The following SWAP70 variants were observed in gnomAD, a reference collection of about 807,000 sequenced individuals.
SWAP70 encodes the protein switch-associated protein 70.
In SWAP70, 34 loss-of-function variants were observed where a neutral mutation model predicts 80.2. The ratio of observed to expected loss-of-function variants is 0.42; its 90% CI spans 0.32 to 0.56. The LOEUF (loss-of-function observed/expected upper bound fraction) is 0.56. SWAP70 is among the 20% of genes least tolerant of loss of function. SWAP70 has a pLI of 0.09. For synonymous variants in SWAP70, 239 were observed against 238.5 expected, an observed-to-expected ratio of 1.00 and a Z score of -0.02; for missense variants, 578 against 690.7, an observed-to-expected ratio of 0.84 and a Z score of 1.83.
chr11:9,749,625 G>T (rs931975088), intron 11 of SWAP70, among the ~76,000 whole-genome samples: 1 of 152,154 alleles, frequency 6.6e-6, no homozygotes, highest in Non-Finnish European at 1.5e-5. Flanking sequence ...TAGCCCAAAT[G>T]TAAAAAAACC....
chr11:9,709,990 A>C lies in SWAP70; in HGVS notation c.241-3476A>C, dbSNP rs1008615083. Among the ~76,000 whole-genome samples, 4 of 152,342 alleles carry C rather than the reference A, an allele frequency of 2.6e-5. No individual in the cohort carries two copies. In the South Asian group the frequency reaches 8.3e-4, roughly 32 times the overall value. On this transcript the variant is annotated intron_variant, in intron 2 of 11. Transcript: ENST00000318950. ...ATAAGGAAGAGAAAATGTATTTACT[A>C]TTCATTCAGTGGAAGTGGATCATTG...
intron 3 of SWAP70, among the ~76,000 whole-genome samples, chr11:9,718,632 T>A (rs1851095036): frequency 6.6e-6 from 1 of 152,064 alleles, no homozygotes; most frequent in Admixed American, 6.6e-5. Context: ...AATTTTGAAG[T>A]ATAATGTCAT....
chr11:9,700,785 G>C (rs1387350432), intron 2 of SWAP70, among the ~76,000 whole-genome samples: 1 of 152,148 alleles, frequency 6.6e-6, no homozygotes, highest in East Asian at 1.9e-4. Flanking sequence ...GCAGGGAGGG[G>C]TAGAGTTGTT....
chr11:9,750,954 AC>A lies in SWAP70; in HGVS notation c.*988del, dbSNP rs1219595586. The A allele has an allele frequency of 6.6e-6, 1 of 152,274 alleles. No individual in the cohort carries two copies. Among genetic ancestry groups the A allele is most frequent in the African/African-American group, 2.4e-5 (1 of 41,548 alleles). 9.4% of individuals were successfully genotyped at this position (152,274 alleles called of 1,614,324 possible). A position where few individuals can be genotyped will look rare whatever the true frequency, so the allele number is the denominator to read the frequency against. ...CTTTCCCCTCACCTTAAAGGAGACTACCCCTTTGCCCCATATTGTCAACCTA... is the reference window on the plus strand; with the variant it reads ...CTTTCCCCTCACCTTAAAGGAGACTACCCTTTGCCCCATATTGTCAACCTA... On this transcript the variant is annotated 3_prime_UTR_variant, in exon 12 of 12. Transcript: ENST00000318950.
Position 9,749,879 on chromosome 11 carries a change from A to T in SWAP70, c.1667A>T (p.His556Leu). ...TGCCTCTTAGGTTCAAAGAACCCTC[A>T]CCTGATCACTAACTGGGGACCTGCA... is the stretch of plus-strand genomic sequence containing the variant. ...RLIEPGSKNPHLITNWGPAAF... is the reference protein window; with the variant it reads ...RLIEPGSKNPLLITNWGPAAF... Residue 556 changes from histidine to leucine, a missense_variant, in exon 12 of 12, where the codon CAC becomes CTC. His to Leu is a moderately conservative substitution (Grantham distance 99, BLOSUM62 -3). Transcript: ENST00000318950. The T allele has an allele frequency of 6.2e-7, 1 of 1,612,948 alleles. No individual in the cohort carries two copies. The highest frequency in any genetic ancestry group is 8.5e-7 in the Non-Finnish European group (1 of 1,178,950).
chr11:9,746,488 G>C (rs1851514124), intron 9 of SWAP70, among the ~76,000 whole-genome samples: 1 of 152,214 alleles, frequency 6.6e-6, no homozygotes, highest in Admixed American at 6.5e-5. Context: ...CTCTGCACTG[G>C]TCAGACCACA....
At chr11:9,702,896 G>A (rs1221431241) in intron 2 of SWAP70, among the ~76,000 whole-genome samples, 1 of 152,160 alleles carries the variant, frequency 6.6e-6, no homozygotes, top group Admixed American at 6.5e-5. Flanking sequence ...GTCATGTACT[G>A]TAAAGATATA....
chr11:9,736,419 C>T (rs1851363334), intron 7 of SWAP70, among the ~76,000 whole-genome samples: 1 of 128,560 alleles, frequency 7.8e-6, no homozygotes, highest in South Asian at 2.3e-4. Context: ...TTTTTCTTTG[C>T]ATGTCTCATA....
At chr11:9,705,102 T>G (rs951501088) in intron 2 of SWAP70, among the ~76,000 whole-genome samples, 1 of 147,602 alleles carries the variant, frequency 6.8e-6, no homozygotes, top group Admixed American at 6.7e-5. Context: ...GATATGTATA[T>G]ACTTGGTGAT....
intron 2 of SWAP70, among the ~76,000 whole-genome samples, chr11:9,696,618 G>C (rs552154506): frequency 1.3e-5 from 2 of 151,870 alleles, no homozygotes; most frequent in African/African-American, 2.4e-5. Context: ...TTTAAAAAAA[G>C]GTTTTTTTAT....
chr11:9,674,025 A>T (rs1283421053), intron 1 of SWAP70, among the ~76,000 whole-genome samples: 4 of 152,122 alleles, frequency 2.6e-5, no homozygotes. Context: ...TCAGCCTCCC[A>T]AGTAGCTGGG....
intron 3 of SWAP70, among the ~76,000 whole-genome samples, chr11:9,716,103 A>G (rs1226720326): frequency 6.6e-6 from 1 of 152,248 alleles, no homozygotes; most frequent in Non-Finnish European, 1.5e-5. Context: ...TTACTGGAAC[A>G]TGATGGCTGT....
chr11:9,702,075 G>A (rs745470820), intron 2 of SWAP70, among the ~76,000 whole-genome samples: 1 of 152,164 alleles, frequency 6.6e-6, no homozygotes, highest in African/African-American at 2.4e-5. Flanking sequence ...AAACTTTTCA[G>A]TTCAGTATGT....
intron 9 of SWAP70, among the ~76,000 whole-genome samples, chr11:9,743,076 T>A (rs1318801228): frequency 8.3e-6 from 1 of 120,208 alleles, no homozygotes; most frequent in African/African-American, 3.1e-5. Flanking sequence ...CAGGCCCCGG[T>A]GTGTGATGTT....
At chr11:9,708,433 C>A (rs995019526) in intron 2 of SWAP70, among the ~76,000 whole-genome samples, 1 of 152,024 alleles carries the variant, frequency 6.6e-6, no homozygotes, top group Non-Finnish European at 1.5e-5. Context: ...GTTGGCTGTT[C>A]GTATATATTA....
At chr11:9,719,462 C>T (rs1251533217) in intron 3 of SWAP70, among the ~76,000 whole-genome samples, 3 of 151,898 alleles carry the variant, frequency 2.0e-5, no homozygotes, top group Admixed American at 6.6e-5. Context: ...GCAAGAGAAT[C>T]GCTTGAACCC....
Position 9,694,277 on chromosome 11 carries a change from T to G in SWAP70, c.231T>G (p.Ile77Met), listed in dbSNP as rs775137526. The G allele has an allele frequency of 6.2e-7, 1 of 1,610,948 alleles. No individual in the cohort carries two copies. The highest frequency in any genetic ancestry group is 8.5e-7 in the Non-Finnish European group (1 of 1,178,780). Residue 77 changes from isoleucine to methionine, a missense_variant, in exon 2 of 12, where the codon ATT becomes ATG. By Grantham distance (10) the Ile-to-Met change is conservative. Coordinates refer to ENST00000318950, the MANE Select transcript of SWAP70 (RefSeq NM_015055.4). ...QGYMPYLNRF[I>M]LEKVQDNFDK... The stretch of plus-strand genomic sequence containing the variant: ...ACATGCCTTATTTAAACAGGTTCAT[T>G]TTGGAAAAGGTATGATTCTAACCTT...
chr11:9,732,784 T>C (rs1238325268), intron 7 of SWAP70, 74 bp downstream of exon 7: 9 of 1,386,448 alleles, frequency 6.5e-6, no homozygotes, highest in African/African-American at 1.5e-5. Flanking sequence ...CTTAGGGGTG[T>C]TGGTTCTACC....
At chr11:9,724,960 GATGAGT>G in intron 4 of SWAP70, 75 bp downstream of exon 4, 1 of 1,079,484 alleles carries the variant, frequency 9.3e-7, no homozygotes, top group Non-Finnish European at 1.4e-6. Context: ...TTGTCACAAA[GATGAGT>G]ATAAGTCACT....
Sources: allele counts gnomAD v4.1 joint callset (sites outside exome capture counted in the v4.1 genomes callset), GRCh38; gene constraint gnomAD v4.1.1; transcripts MANE v1.5; gene names NCBI Gene and HGNC (gene_info 2026-07-23, HGNC 2026-07-21).